The following ZFP82 variants were observed in gnomAD, a reference collection of about 807,000 sequenced individuals.
The protein encoded by ZFP82 is zinc finger protein 82 homolog.
In ZFP82, 30 loss-of-function variants were observed where a neutral mutation model predicts 54.0. That is an observed-to-expected ratio of 0.56 (90% confidence interval 0.42 to 0.75). The LOEUF is 0.75. ZFP82 is among the 30% of genes least tolerant of loss of function. ZFP82 has a pLI of 0.00. For missense variants in ZFP82, 500 were observed against 636.8 expected (o/e 0.79, Z 2.31); for synonymous variants, 194 against 209.5 (o/e 0.93, Z 0.64).
rs5827957 is a variant in ZFP82, at chr19:36,392,018, GC to G, written c.*722del. The G allele has an allele frequency of 0.68, 103,258 of 151,956 alleles. 35,360 individuals are homozygous for G. The highest frequency in any genetic ancestry group is 0.76 in the African/African-American group (31,420 of 41,418). The allele number at this position is 151,956 out of a possible 1,614,324, so 9.4% of individuals were successfully genotyped here. A position where few individuals can be genotyped will look rare whatever the true frequency, so the allele number is the denominator to read the frequency against. ...ATGTTTTTGTGGGTCAGAAATTTGG[GC>G]CAGGGGCTCAGCTGGTCAATTCTTC... On this transcript the variant is annotated 3_prime_UTR_variant, in exon 5 of 5. Transcript: ENST00000392161.
At chr19:36,383,804 G>A (rs1411571283), downstream of ZFP82, 1 of 151,912 alleles carries the variant, frequency 6.6e-6, no homozygotes, top group Non-Finnish European at 1.5e-5. Context: ...TATAACAAAG[G>A]ACTACTATCT....
chr19:36,386,891 C>A (rs1454518276), downstream of ZFP82, among the ~76,000 whole-genome samples: 1 of 152,178 alleles, frequency 6.6e-6, no homozygotes, highest in East Asian at 1.9e-4. Context: ...GCCGAGATCA[C>A]GCCATTGCAC....
intron 4 of ZFP82, among the ~76,000 whole-genome samples, chr19:36,400,897 C>T (rs1250580822): frequency 6.6e-6 from 1 of 152,138 alleles, no homozygotes. Context: ...TCAAGTCACT[C>T]CACTTGGGCT....
rs1174160649 is a variant in ZFP82 at position 36,392,941 on chromosome 19, G to A, written c.1399C>T (p.Leu467=). The change falls in exon 5 of 5, where the codon CTA becomes TTA. Residue 467 remains leucine, a synonymous_variant. Coordinates refer to ENST00000392161, the MANE Select transcript of ZFP82 (RefSeq NM_133466.4). ...KAFRLRQKLT[L]HQSIHTGEKP... ...TCGCCAGTATGAATGCTCTGATGTAGAGTAAGTTTTTGGCGCAATCTAAAG... is the reference window on the plus strand; with the variant it reads ...TCGCCAGTATGAATGCTCTGATGTAAAGTAAGTTTTTGGCGCAATCTAAAG... The A allele has an allele frequency of 1.9e-6, 3 of 1,613,788 alleles. No individual in the cohort carries two copies. The highest frequency in any genetic ancestry group is 3.3e-5 in the Admixed American group (2 of 59,976).
In ZFP82 at chr19:36,409,678, G is replaced by A. The variant is rs73928641; in HGVS notation, c.9+103C>T. The stretch of plus-strand genomic sequence containing the variant: ...GCCACTGGATTTGGAAGAACTGGAA[G>A]AAGGTTCTTGGATGGAGCTCTGATA... On this transcript the variant is annotated intron_variant, in intron 2 of 4. Coordinates refer to ENST00000392161, the MANE Select transcript of ZFP82 (RefSeq NM_133466.4). 476 of 1,247,248 alleles carry A rather than the reference G, an allele frequency of 3.8e-4. 3 individuals carry two copies. In the African/African-American group the frequency reaches 6.5e-3, roughly 17 times the overall value. 77.3% of individuals were successfully genotyped at this position (1,247,248 alleles called of 1,614,324 possible).
At chr19:36,395,488 G>A (rs950360700) in intron 4 of ZFP82, 4 of 152,176 alleles carry the variant, frequency 2.6e-5, no homozygotes, top group African/African-American at 9.7e-5. Context: ...CTGTAACTCA[G>A]AAATGTGGAA....
chr19:36,400,883 CTCA>C (rs1568486404), intron 4 of ZFP82, among the ~76,000 whole-genome samples: 1 of 152,270 alleles, frequency 6.6e-6, no homozygotes, highest in African/African-American at 2.4e-5. Flanking sequence ...AAACCCTTCT[CTCA>C]TCAAGTCACT....
At chr19:36,414,346 C>G (rs1217146562) in intron 1 of ZFP82, among the ~76,000 whole-genome samples, 1 of 149,014 alleles carries the variant, frequency 6.7e-6, no homozygotes, top group Admixed American at 6.7e-5. Flanking sequence ...TAGAACTAGG[C>G]TTGAAAATGT....
intron 4 of ZFP82, among the ~76,000 whole-genome samples, chr19:36,397,416 C>T (rs1029359142): frequency 3.3e-5 from 5 of 151,486 alleles, no homozygotes; most frequent in African/African-American, 1.2e-4. Context: ...TTTTAATCAA[C>T]AAAATGTAAG....
chr19:36,409,957 G>C (rs1378431315), intron 1 of ZFP82, 90 bp from the exon 2 acceptor site: 3 of 650,510 alleles, frequency 4.6e-6, no homozygotes, highest in Non-Finnish European at 5.4e-6. Context: ...CCTCTCTTCT[G>C]ATCTCTCCAC....
intron 3 of ZFP82, among the ~76,000 whole-genome samples, chr19:36,405,896 T>A (rs922551401): frequency 6.6e-6 from 1 of 152,166 alleles, no homozygotes; most frequent in African/African-American, 2.4e-5. Context: ...AAGTGTTTCT[T>A]TTTCAGAGGC....
intron 1 of ZFP82, among the ~76,000 whole-genome samples, chr19:36,412,678 T>C (rs1228490764): frequency 1.3e-5 from 2 of 152,240 alleles, no homozygotes; most frequent in Admixed American, 1.3e-4. Context: ...CTGAATCTTC[T>C]TGTGCTGTTC....
intron 3 of ZFP82, among the ~76,000 whole-genome samples, chr19:36,406,885 T>C (rs1214208422): frequency 6.6e-6 from 1 of 152,164 alleles, no homozygotes; most frequent in Non-Finnish European, 1.5e-5. Flanking sequence ...ATTGTGGAAT[T>C]AGCAAATCAG....
chr19:36,399,063 C>T (rs1387172273), intron 4 of ZFP82, among the ~76,000 whole-genome samples: 1 of 151,690 alleles, frequency 6.6e-6, no homozygotes, highest in African/African-American at 2.4e-5. Flanking sequence ...TTATAAATGG[C>T]AACAAAATTT....
intron 1 of ZFP82, among the ~76,000 whole-genome samples, chr19:36,417,791 G>A (rs1222956422): frequency 1.3e-5 from 2 of 152,210 alleles, no homozygotes; most frequent in Admixed American, 1.3e-4. Flanking sequence ...TCTGAAACCT[G>A]CAGCTGGACT....
intron 4 of ZFP82, chr19:36,395,426 A>G (rs1420599794): frequency 6.6e-6 from 1 of 152,198 alleles, no homozygotes; most frequent in Non-Finnish European, 1.5e-5. Flanking sequence ...AAACACGTCT[A>G]TATCTTACTG....
chr19:36,405,533 TG>T (rs754842302), intron 4 of ZFP82, 46 bp downstream of exon 4: 12 of 1,415,784 alleles, frequency 8.5e-6, no homozygotes, highest in Non-Finnish European at 1.2e-5. Context: ...CCCAGTGATC[TG>T]GGGTTCCCTG....
At chr19:36,397,577 T>C (rs915391982) in intron 4 of ZFP82, among the ~76,000 whole-genome samples, 2 of 152,106 alleles carry the variant, frequency 1.3e-5, no homozygotes, top group Admixed American at 6.5e-5. Context: ...TTTTTGTTTT[T>C]TGAGACAGAG....
At chr19:36,415,010 A>G (rs942112375) in intron 1 of ZFP82, among the ~76,000 whole-genome samples, 2 of 151,912 alleles carry the variant, frequency 1.3e-5, no homozygotes, top group Non-Finnish European at 2.9e-5. Context: ...TAGTAGAGAC[A>G]GGGTTTCACC....
Sources: allele counts gnomAD v4.1 joint callset (sites outside exome capture counted in the v4.1 genomes callset), GRCh38; gene constraint gnomAD v4.1.1; transcripts MANE v1.5; gene names NCBI Gene and HGNC (gene_info 2026-07-23, HGNC 2026-07-21).